Variants in MOSPD2 observed in about 807,000 individuals in gnomAD.
The protein encoded by MOSPD2 is motile sperm domain-containing protein 2.
In MOSPD2, 5 loss-of-function variants were observed where a neutral mutation model predicts 41.7. That is an observed-to-expected ratio of 0.12 (90% CI 0.06 to 0.25). The LOEUF is 0.25. Ranked by LOEUF, MOSPD2 falls within the 10% of genes least tolerant of loss-of-function variation. The pLI, the probability that MOSPD2 is intolerant of heterozygous loss-of-function variation, is 1.00. For missense variants in MOSPD2, 282 were observed against 375.2 expected (o/e 0.75, Z 2.05); for synonymous variants, 115 against 126.9 (o/e 0.91, Z 0.63).
Position 14,912,367 on chromosome X carries a change from C to T in MOSPD2, c.992+6C>T, listed in dbSNP as rs781362861. 12 of 1,040,054 alleles carry T rather than the reference C, an allele frequency of 1.2e-5. No homozygotes were observed. In the East Asian group the frequency reaches 1.3e-4, roughly 12 times the overall value. The allele number at this position is 1,040,054 out of a possible 1,213,427, so 85.7% of individuals were successfully genotyped here. A position where few individuals can be genotyped will look rare whatever the true frequency, so the allele number is the denominator to read the frequency against. ...GGCCCCTTACTACACATCAGGTAAT[C>T]GTCAAAGATTTTATTAGCTATAATT... On this transcript the variant is annotated splice_donor_region_variant and intron_variant, in intron 10 of 14. Transcript: ENST00000380492.
intron 14 of MOSPD2, among the ~76,000 whole-genome samples, chrX:14,919,211 AAAAAG>A (rs2092605235): frequency 8.9e-6 from 1 of 111,825 alleles, no homozygotes; most frequent in African/African-American, 3.3e-5. Context: ...TTCTCAATAA[AAAAAG>A]AAAAGAAATG....
At chrX:14,893,030 G>T (rs2092556810) in intron 3 of MOSPD2, 152 bp downstream of exon 3, 1 of 410,136 alleles carries the variant, frequency 2.4e-6, no homozygotes, top group African/African-American at 2.5e-5. Flanking sequence ...ATTTTCAAAG[G>T]AACAGCTTAT....
chrX:14,879,274 G>A (rs925125017), intron 2 of MOSPD2, among the ~76,000 whole-genome samples: 41 of 111,994 alleles, frequency 3.7e-4, no homozygotes, highest in African/African-American at 1.3e-3. Context: ...TGGTGCACAC[G>A]TGCAAGAATT....
chrX:14,917,072 G>A lies in MOSPD2; in HGVS notation c.1316+746G>A, dbSNP rs148828594. On this transcript the variant is annotated intron_variant, in intron 13 of 14. Transcript: ENST00000380492. The stretch of plus-strand genomic sequence containing the variant: ...TTGGTTGTCACAACTGGGGGATGGG[G>A]TACAGTGGGCATCTAATGGGGGCAG... Among the ~76,000 whole-genome samples the A allele has an allele frequency of 4.3e-3, 481 of 111,999 alleles. 4 individuals carry two copies. Among genetic ancestry groups the A allele is most frequent in the African/African-American group, 0.015 (452 of 30,775 alleles).
intron 2 of MOSPD2, among the ~76,000 whole-genome samples, chrX:14,881,456 T>C (rs1231747342): frequency 1.8e-5 from 2 of 111,681 alleles, no homozygotes; most frequent in African/African-American, 6.5e-5. Flanking sequence ...GATTACTCTT[T>C]CTTGAAAGGA....
At position 14,914,727 on chromosome X, in the gene MOSPD2, G is replaced by A. The variant is rs2092597410; in HGVS notation, c.1089+128G>A. The stretch of plus-strand genomic sequence containing the variant: ...GTGTTTTTATTTATGACAATTTTTA[G>A]GCATGTTGTACTACCTTCTGGTTCT... On this transcript the variant is annotated intron_variant, in intron 11 of 14. Coordinates refer to ENST00000380492, the MANE Select transcript of MOSPD2 (RefSeq NM_152581.4). 6.9e-6 allele frequency: 3 copies of A among 431,992 alleles called. No individual in the cohort carries two copies. The African/African-American group carries it at 7.7e-5, about 11-fold the overall frequency. 35.6% of individuals were successfully genotyped at this position (431,992 alleles called of 1,213,427 possible). A position where few individuals can be genotyped will look rare whatever the true frequency, so the allele number is the denominator to read the frequency against.
At chrX:14,918,936 A>G (rs1262295133) in intron 14 of MOSPD2, among the ~76,000 whole-genome samples, 154 bp downstream of exon 14, 1 of 112,377 alleles carries the variant, frequency 8.9e-6, no homozygotes, top group Non-Finnish European at 1.9e-5. Context: ...AGAAATGGTA[A>G]GCAGGCCAAG....
At position 14,893,749 on chromosome X, in the gene MOSPD2, AT is replaced by A. The variant is rs778779982; in HGVS notation, c.235+872del. On this transcript the variant is annotated intron_variant, in intron 3 of 14. Transcript: ENST00000380492. ...TCCCTGAAAGGGGGATTAGTAAAAA[AT>A]AATGTGATTGGAAATTTAACAAATG... 4.3e-3 allele frequency among the ~76,000 whole-genome samples: 483 copies of A among 113,007 alleles called. 6 individuals carry two copies. The highest frequency in any genetic ancestry group is 0.014 in the African/African-American group (444 of 31,168).
Position 14,890,733 on chromosome X carries a change from A to G in MOSPD2, c.80-1990A>G, listed in dbSNP as rs144404442. On this transcript the variant is annotated intron_variant, in intron 2 of 14. Coordinates refer to ENST00000380492, the MANE Select transcript of MOSPD2 (RefSeq NM_152581.4). ...AGGAAATTGAGACTCAAAGAAGACA[A>G]TTCTCTGAATGCAGTCTATATTTTC... Among the ~76,000 whole-genome samples the G allele has an allele frequency of 6.4e-3, 720 of 111,761 alleles. 11 individuals are homozygous for G. The highest frequency in any genetic ancestry group is 0.023 in the African/African-American group (697 of 30,768).
At chrX:14,873,566 C>T in intron 1 of MOSPD2, 29 bp downstream of exon 1, 2 of 1,211,568 alleles carry the variant, frequency 1.7e-6, no homozygotes, top group Non-Finnish European at 2.2e-6. Flanking sequence ...CGCCGCTGGC[C>T]CCCCGGACCC....
intron 7 of MOSPD2, among the ~76,000 whole-genome samples, chrX:14,907,548 A>C (rs2092584399): frequency 8.9e-6 from 1 of 112,756 alleles, no homozygotes; most frequent in East Asian, 2.8e-4. Flanking sequence ...GTACTGATAC[A>C]TGCTACATTA....
intron 9 of MOSPD2, 116 bp from the exon 10 acceptor site, chrX:14,912,133 G>A (rs2092592837): frequency 2.7e-6 from 1 of 370,521 alleles, no homozygotes; most frequent in Admixed American, 5.8e-5. Context: ...CTTAAGGGAA[G>A]GACCATATTG....
At chrX:14,890,235 G>A (rs2092551319) in intron 2 of MOSPD2, among the ~76,000 whole-genome samples, 1 of 110,711 alleles carries the variant, frequency 9.0e-6, no homozygotes, top group Admixed American at 9.6e-5. Context: ...AGTCCCTGAT[G>A]AAACAGTAAA....
At chrX:14,900,891 C>G (rs949129332) in intron 6 of MOSPD2, among the ~76,000 whole-genome samples, 4 of 111,007 alleles carry the variant, frequency 3.6e-5, no homozygotes, top group African/African-American at 6.5e-5. Context: ...ACACACACAC[C>G]CACTCACACA....
chrX:14,909,334 C>A (rs918187354), intron 8 of MOSPD2, among the ~76,000 whole-genome samples: 5 of 111,126 alleles, frequency 4.5e-5, no homozygotes, highest in Non-Finnish European at 7.6e-5. Context: ...CCCATATAAA[C>A]AAGTATAGTA....
chrX:14,920,284 CATACTT>C lies in MOSPD2; in HGVS notation c.*479_*484del, dbSNP rs2092607301. The C allele has an allele frequency of 2.7e-6, 2 of 747,426 alleles. No individual in the cohort carries two copies. Among genetic ancestry groups the C allele is most frequent in the Non-Finnish European group, 3.2e-6 (2 of 633,045 alleles). 61.6% of individuals were successfully genotyped at this position (747,426 alleles called of 1,213,427 possible). A position where few individuals can be genotyped will look rare whatever the true frequency, so the allele number is the denominator to read the frequency against. On this transcript the variant is annotated 3_prime_UTR_variant, in exon 15 of 15. Coordinates refer to ENST00000380492, the MANE Select transcript of MOSPD2 (RefSeq NM_152581.4). ...AGAACATGTATATTGAGAAAGAAAA[CATACTT>C]ATATAGAGGAATTTATGTAACCATG...
At chrX:14,876,430 T>C (rs1189366258) in intron 2 of MOSPD2, among the ~76,000 whole-genome samples, 2 of 112,456 alleles carry the variant, frequency 1.8e-5, no homozygotes, top group East Asian at 5.6e-4. Flanking sequence ...AGAAATGCTT[T>C]TGGAGTTAGG....
At chrX:14,919,229 G>A in intron 14 of MOSPD2, among the ~76,000 whole-genome samples, 2 of 111,757 alleles carry the variant, frequency 1.8e-5, no homozygotes, top group East Asian at 5.6e-4. Context: ...AAGAAATGGT[G>A]TAAGCAGTGA....
intron 2 of MOSPD2, among the ~76,000 whole-genome samples, chrX:14,883,424 A>G (rs955165588): frequency 8.9e-6 from 1 of 112,030 alleles, no homozygotes; most frequent in Non-Finnish European, 1.9e-5. Flanking sequence ...TAGTGCTCAC[A>G]GAAATTCCTA....
Sources: gnomAD v4.1 joint callset for allele counts (sites outside exome capture counted in the v4.1 genomes callset) on GRCh38, gnomAD v4.1.1 for gene constraint, MANE v1.5 for transcripts, NCBI Gene and HGNC (gene_info 2026-07-23, HGNC 2026-07-21) for gene names.